GDAP1: variants seen among roughly 807,000 people sequenced by gnomAD.
GDAP1 encodes the protein ganglioside induced differentiation associated protein 1.
A neutral mutation model predicts 40.1 loss-of-function variants in GDAP1; 34 were observed. The observed-to-expected ratio is 0.85, with a 90% confidence interval of 0.64 to 1.13. GDAP1 has a LOEUF of 1.13. Ranked by LOEUF, GDAP1 falls within the 50% of genes most tolerant of loss-of-function variation. GDAP1 has a pLI of 0.00. For missense variants in GDAP1, 374 were observed against 433.7 expected (o/e 0.86, Z 1.22); for synonymous variants, 170 against 157.4 (o/e 1.08, Z -0.60).
At chr8:74,390,972 G>C (rs1459167021) in intron 2 of GDAP1, among the ~76,000 whole-genome samples, 3 of 152,172 alleles carry the variant, frequency 2.0e-5, no homozygotes, top group Non-Finnish European at 1.5e-5. Context: ...TGGTGGCTTT[G>C]TTTACACTAT....
chr8:74,472,454 G>C (rs181472040), intron 2 of GDAP1, among the ~76,000 whole-genome samples: 19 of 152,354 alleles, frequency 1.2e-4, no homozygotes, highest in African/African-American at 4.6e-4. Flanking sequence ...TATGTTCCCA[G>C]TAATGGGATT....
At chr8:74,380,357 C>T (rs1355858196) in intron 2 of GDAP1, among the ~76,000 whole-genome samples, 3 of 152,116 alleles carry the variant, frequency 2.0e-5, no homozygotes, top group Non-Finnish European at 1.5e-5. Flanking sequence ...AGTAACTTGT[C>T]CCCAAACCGG....
intron 2 of GDAP1, 90 bp downstream of exon 2, chr8:74,351,556 T>C (rs1808878171): frequency 1.0e-6 from 1 of 976,264 alleles, no homozygotes; most frequent in South Asian, 1.3e-5. Context: ...CTCTCTCTCT[T>C]TCTCTTGTGT....
chr8:74,462,930 A>G (rs961154849), intron 2 of GDAP1, among the ~76,000 whole-genome samples: 1 of 151,266 alleles, frequency 6.6e-6, no homozygotes, highest in East Asian at 2.0e-4. Context: ...TTCAGAAGAG[A>G]TCAAATTATT....
Position 74,350,563 on chromosome 8 carries a change from C to G in GDAP1, c.102C>G (p.Ser34=), listed in dbSNP as rs7828201. 1.1e-3 allele frequency: 1,827 copies of G among 1,601,090 alleles called. 30 individuals are homozygous for G. The South Asian group carries it at 0.019, about 17-fold the overall frequency. The change falls in exon 1 of 6, where the codon TCC becomes TCG. Residue 34 remains serine (S), a synonymous_variant. Transcript: ENST00000220822. Reference sequence around the variant, plus strand: ...TCATTCTGTACCATTGGACGCATTCCTTCAGCTCTCAAAAGGTACAACAGG... The same window carrying G: ...TCATTCTGTACCATTGGACGCATTCGTTCAGCTCTCAAAAGGTACAACAGG... The part of the protein sequence containing the change: ...VKLILYHWTH[S]FSSQKVRLVI...
At chr8:74,402,164 C>T (rs1457091888) in intron 2 of GDAP1, among the ~76,000 whole-genome samples, 2 of 150,600 alleles carry the variant, frequency 1.3e-5, no homozygotes, top group East Asian at 3.9e-4. Context: ...GAGGTGGAGC[C>T]TACAGAGGCA....
At chr8:74,374,908 A>T (rs183870091) in intron 2 of GDAP1, among the ~76,000 whole-genome samples, 1 of 152,244 alleles carries the variant, frequency 6.6e-6, no homozygotes, top group Admixed American at 6.5e-5. Context: ...AGTAAATTCT[A>T]TCATGTATGA....
At chr8:74,388,539 G>C (rs1479033124) in intron 2 of GDAP1, among the ~76,000 whole-genome samples, 1 of 152,180 alleles carries the variant, frequency 6.6e-6, no homozygotes, top group Admixed American at 6.5e-5. Context: ...ACTGTGGTCT[G>C]AGAGGCTGTT....
At chr8:74,403,633 G>A (rs1262162447) in intron 2 of GDAP1, among the ~76,000 whole-genome samples, 1 of 150,250 alleles carries the variant, frequency 6.7e-6, no homozygotes, top group East Asian at 1.9e-4. Context: ...TATGGATTAT[G>A]GTCAGCAGCA....
intron 2 of GDAP1, among the ~76,000 whole-genome samples, chr8:74,446,180 C>A (rs1355376590): frequency 6.6e-6 from 1 of 152,118 alleles, no homozygotes; most frequent in Non-Finnish European, 1.5e-5. Flanking sequence ...ATTGCACCAC[C>A]AATATTCTGG....
At chr8:74,405,985 A>G (rs1467893209) in intron 2 of GDAP1, among the ~76,000 whole-genome samples, 1 of 149,984 alleles carries the variant, frequency 6.7e-6, no homozygotes, top group Non-Finnish European at 1.5e-5. Context: ...CACATGGGAG[A>G]TTTTCCAAGG....
downstream of GDAP1, chr8:74,366,923 T>C (rs1809664170): frequency 2.7e-6 from 1 of 373,184 alleles, no homozygotes; most frequent in African/African-American, 2.1e-5. Flanking sequence ...ATTTTTTTCA[T>C]TTAAAATCAA....
intron 2 of GDAP1, among the ~76,000 whole-genome samples, chr8:74,442,768 C>A (rs1243113465): frequency 2.0e-5 from 3 of 152,100 alleles, no homozygotes; most frequent in Non-Finnish European, 4.4e-5. Flanking sequence ...ACTGGAGAGG[C>A]AGTAGCAAAG....
chr8:74,469,618 G>T (rs1002228107), intron 2 of GDAP1, among the ~76,000 whole-genome samples: 2 of 148,920 alleles, frequency 1.3e-5, no homozygotes, highest in African/African-American at 5.0e-5. Flanking sequence ...GCAGTGAGCC[G>T]AGATCGCGCC....
At chr8:74,370,920 G>T (rs1270766505), downstream of GDAP1, among the ~76,000 whole-genome samples, 1 of 152,160 alleles carries the variant, frequency 6.6e-6, no homozygotes, top group Non-Finnish European at 1.5e-5. Flanking sequence ...TTATTAGGAA[G>T]ACATAATCAT....
chr8:74,421,656 C>T (rs560184198), intron 2 of GDAP1, among the ~76,000 whole-genome samples: 1 of 152,216 alleles, frequency 6.6e-6, no homozygotes, highest in East Asian at 1.9e-4. Context: ...TAAGAGGGCG[C>T]TGTGTGAAAT....
chr8:74,424,196 G>T (rs1481214511), intron 2 of GDAP1, among the ~76,000 whole-genome samples: 1 of 152,152 alleles, frequency 6.6e-6, no homozygotes. Flanking sequence ...CAATATAAAT[G>T]ATATATAAAT....
downstream of GDAP1, among the ~76,000 whole-genome samples, chr8:74,369,383 C>G (rs1586811354): frequency 6.6e-6 from 1 of 152,068 alleles, no homozygotes; most frequent in Non-Finnish European, 1.5e-5. Flanking sequence ...AAGAAAATGT[C>G]TGATTGAATT....
At chr8:74,464,685 C>G (rs891793037) in intron 2 of GDAP1, among the ~76,000 whole-genome samples, 4 of 152,096 alleles carry the variant, frequency 2.6e-5, no homozygotes, top group African/African-American at 9.7e-5. Flanking sequence ...TGAGTTGGGC[C>G]TGGATGTGAT....
Sources: allele counts gnomAD v4.1 joint callset (sites outside exome capture counted in the v4.1 genomes callset), GRCh38; gene constraint gnomAD v4.1.1; transcripts MANE v1.5; gene names NCBI Gene and HGNC (gene_info 2026-07-23, HGNC 2026-07-21).